Variants in MAF observed in about 807,000 individuals in gnomAD.
The protein encoded by MAF is transcription factor Maf.
In MAF, 10 loss-of-function variants were observed where a neutral mutation model predicts 22.0. The ratio of observed to expected loss-of-function variants is 0.45; its 90% CI spans 0.28 to 0.77. MAF has a LOEUF of 0.77. Ranked by LOEUF, MAF falls within the 30% of genes least tolerant of loss-of-function variation. The pLI, the probability that MAF is intolerant of heterozygous loss-of-function variation, is 0.12. For synonymous variants in MAF, 337 were observed against 255.8 expected (o/e 1.32, Z -3.03); for missense variants, 544 against 548.4 (o/e 0.99, Z 0.08).
chr16:79,447,446 C>A, the MAF span, among the ~76,000 whole-genome samples: 1 of 152,120 alleles, frequency 6.6e-6, no homozygotes, highest in Non-Finnish European at 1.5e-5. Flanking sequence ...GTTTTCATGC[C>A]TGCTAACAGA....
the MAF span, among the ~76,000 whole-genome samples, chr16:79,350,607 C>G: frequency 6.6e-5 from 10 of 152,186 alleles, no homozygotes; most frequent in Admixed American, 1.3e-4. Context: ...AAACCTCCCG[C>G]TGCTTTTCTC....
Position 79,598,918 on chromosome 16 carries a change from G to A in MAF, c.985C>T (p.His329Tyr). 6 of 1,613,698 alleles carry A rather than the reference G, an allele frequency of 3.7e-6. No homozygotes were observed. Among genetic ancestry groups the A allele is most frequent in the Non-Finnish European group, 5.1e-6 (6 of 1,179,948 alleles). ...EKNQLLQQVD[H>Y]LKQEISRLVR... ...AGCCTGGAGATCTCCTGCTTGAGGT[G>A]GTCGACTTGCTGCAGCAGCTGGTTC... is the stretch of plus-strand genomic sequence containing the variant. Residue 329 changes from histidine (H) to tyrosine (Y), a missense_variant, in exon 1 of 2, where the codon CAC becomes TAC. His to Tyr is a moderately conservative substitution (Grantham distance 83, BLOSUM62 2). Around this residue, in one of 5 missense-constraint regions of MAF, gnomAD observed 129 missense variants for 113.6 expected, o/e 1.14. Coordinates refer to ENST00000326043, the MANE Select transcript of MAF (RefSeq NM_005360.5).
the MAF span, among the ~76,000 whole-genome samples, chr16:79,478,117 C>T: frequency 2.6e-5 from 4 of 152,160 alleles, no homozygotes; most frequent in Non-Finnish European, 5.9e-5. Context: ...TTGCCCACAG[C>T]CTCCAGACTA....
At chr16:79,293,837 AAGAGAGAGAGAGAGAG>A in the MAF span, among the ~76,000 whole-genome samples, 5 of 148,324 alleles carry the variant, frequency 3.4e-5, no homozygotes, top group South Asian at 4.3e-4. Context: ...TCTAAATGAA[AAGAGAGAGAGAGAGAG>A]AGAGAGAGAG....
the MAF span, among the ~76,000 whole-genome samples, chr16:79,220,670 T>C: frequency 2.6e-4 from 39 of 152,278 alleles, 1 homozygote; most frequent in East Asian, 7.4e-3. Flanking sequence ...TTGGGGGAAC[T>C]CTTTATTTTC....
In MAF at chr16:79,599,356, G is replaced by GGTGGTA; in HGVS notation, c.541_546dup (p.Tyr181_His182dup). The stretch of plus-strand genomic sequence containing the variant: ...TGGCCGGCGGCGTGGTGGTGGTGGT[G>GGTGGTA]GTGGTAGTGCGGGCCCGCGCCGCTC... On this transcript the variant is annotated inframe_insertion, in exon 1 of 2. Coordinates refer to ENST00000326043, the MANE Select transcript of MAF (RefSeq NM_005360.5). 1 of 994,608 alleles carries GGTGGTA rather than the reference G, an allele frequency of 1.0e-6. No individual in the cohort carries two copies. The highest frequency in any genetic ancestry group is 1.2e-6 in the Non-Finnish European group (1 of 837,774). 61.6% of individuals were successfully genotyped at this position (994,608 alleles called of 1,614,324 possible). A position where few individuals can be genotyped will look rare whatever the true frequency, so the allele number is the denominator to read the frequency against.
the MAF span, among the ~76,000 whole-genome samples, chr16:79,426,554 A>G: frequency 2.6e-5 from 4 of 152,176 alleles, no homozygotes; most frequent in African/African-American, 9.7e-5. Flanking sequence ...GTTTACCTGT[A>G]TCAGGTGAGA....
chr16:79,494,603 G>C, the MAF span, among the ~76,000 whole-genome samples: 2 of 152,054 alleles, frequency 1.3e-5, no homozygotes, highest in Non-Finnish European at 2.9e-5. Context: ...AAAGTTCCTA[G>C]GGGAAAAAAA....
chr16:79,433,940 G>T, the MAF span, among the ~76,000 whole-genome samples: 1 of 152,194 alleles, frequency 6.6e-6, no homozygotes, highest in Non-Finnish European at 1.5e-5. Flanking sequence ...ATAGGCCACA[G>T]TCCCTACCTT....
At chr16:79,367,534 G>C in the MAF span, among the ~76,000 whole-genome samples, 1 of 152,164 alleles carries the variant, frequency 6.6e-6, no homozygotes, top group Non-Finnish European at 1.5e-5. Context: ...GGTTCTTGGA[G>C]GATACTACAT....
chr16:79,428,586 T>C, the MAF span, among the ~76,000 whole-genome samples: 1 of 152,086 alleles, frequency 6.6e-6, no homozygotes, highest in Non-Finnish European at 1.5e-5. Context: ...ACACCTGTAA[T>C]CCCAGCACTT....
the MAF span, among the ~76,000 whole-genome samples, chr16:79,372,027 T>C: frequency 7.9e-6 from 1 of 127,220 alleles, no homozygotes; most frequent in African/African-American, 2.5e-5. Flanking sequence ...TCACTGGACA[T>C]GGTAAAGTTT....
the MAF span, among the ~76,000 whole-genome samples, chr16:79,308,115 T>C: frequency 2.4e-4 from 36 of 152,180 alleles, no homozygotes. Context: ...ATCTATGGTG[T>C]CCCTGAAGAC....
the MAF span, among the ~76,000 whole-genome samples, chr16:79,530,408 A>T: frequency 3.9e-5 from 6 of 152,218 alleles, no homozygotes; most frequent in African/African-American, 1.4e-4. Context: ...TGAAGGAAAG[A>T]GATGTAAATA....
chr16:79,338,928 G>A, the MAF span, among the ~76,000 whole-genome samples: 1 of 152,172 alleles, frequency 6.6e-6, no homozygotes, highest in Admixed American at 6.5e-5. Context: ...TGGAGTTATG[G>A]CTCAGAAGGG....
the MAF span, among the ~76,000 whole-genome samples, chr16:79,298,597 G>A: frequency 1.4e-4 from 21 of 152,348 alleles, no homozygotes; most frequent in African/African-American, 5.0e-4. Context: ...CAGAAATGCA[G>A]GAGAGTGGGC....
At chr16:79,274,843 C>T in the MAF span, among the ~76,000 whole-genome samples, 1 of 152,080 alleles carries the variant, frequency 6.6e-6, no homozygotes, top group Non-Finnish European at 1.5e-5. Flanking sequence ...CTAGACAGTC[C>T]AACATGGTAT....
At chr16:79,514,622 T>C in the MAF span, among the ~76,000 whole-genome samples, 13 of 152,074 alleles carry the variant, frequency 8.5e-5, no homozygotes, top group Non-Finnish European at 1.9e-4. Flanking sequence ...GGCAGAAAAA[T>C]CTCGGTTTGA....
chr16:79,561,409 G>C, the MAF span, among the ~76,000 whole-genome samples: 1 of 151,348 alleles, frequency 6.6e-6, no homozygotes, highest in Admixed American at 6.6e-5. Flanking sequence ...TTGGTGTGCT[G>C]CACCCATTAA....
Sources: gnomAD v4.1 joint callset for allele counts (sites outside exome capture counted in the v4.1 genomes callset) on GRCh38, gnomAD v4.1.1 for gene constraint, gnomAD v4.1.1 regional missense constraint, MANE v1.5 for transcripts, NCBI Gene and HGNC (gene_info 2026-07-23, HGNC 2026-07-21) for gene names.